The following NCOA1 variants were observed in gnomAD, a reference collection of about 807,000 sequenced individuals.
NCOA1 encodes Hin-2 protein.
NCOA1 carries 35 observed loss-of-function variants against 150.9 expected under a neutral mutation model. That is an observed-to-expected ratio of 0.23 (90% CI 0.18 to 0.31). The LOEUF is 0.31. NCOA1 is among the 10% of genes least tolerant of loss of function. NCOA1 has a pLI of 1.00. For synonymous variants in NCOA1, 590 were observed against 630.0 expected (o/e 0.94, Z 0.95); for missense variants, 1,491 against 1,749.3 (o/e 0.85, Z 2.63).
At chr2:24,642,705 G>T (rs1205574242) in intron 3 of NCOA1, among the ~76,000 whole-genome samples, 2 of 152,076 alleles carry the variant, frequency 1.3e-5, no homozygotes, top group African/African-American at 4.8e-5. Context: ...ATTTGTAATA[G>T]CCGAAAACTA....
At chr2:24,515,287 C>T (rs745997186) in intron 1 of NCOA1, among the ~76,000 whole-genome samples, 2 of 152,076 alleles carry the variant, frequency 1.3e-5, no homozygotes, top group Non-Finnish European at 2.9e-5. Context: ...GGCTGGAGTG[C>T]AGTGGCGCGA....
intron 21 of NCOA1, among the ~76,000 whole-genome samples, chr2:24,760,727 T>G (rs897720439): frequency 6.6e-6 from 1 of 152,228 alleles, no homozygotes; most frequent in African/African-American, 2.4e-5. Context: ...GTAATTTGAT[T>G]ATGATATGCT....
chr2:24,748,574 C>G (rs1476734764), intron 19 of NCOA1, among the ~76,000 whole-genome samples: 1 of 148,010 alleles, frequency 6.8e-6, no homozygotes, highest in Non-Finnish European at 1.5e-5. Context: ...AGAGATCACG[C>G]CATTGTACTC....
At chr2:24,587,101 G>GA (rs112750246) in intron 3 of NCOA1, among the ~76,000 whole-genome samples, 2,081 of 129,874 alleles carry the variant, frequency 0.016, 40 homozygotes, top group African/African-American at 0.043. Flanking sequence ...CAGCAGAGAA[G>GA]AAAAAAAAAA....
In NCOA1 at chr2:24,651,426, T is replaced by C. The variant is rs540735444; in HGVS notation, c.-17-7235T>C. ...CAACATAGGTGAGCCTGGAGGACAT[T>C]TTGCTAAGTGAAATAAGTCAGACAC... is the stretch of plus-strand genomic sequence containing the variant. On this transcript the variant is annotated intron_variant, in intron 4 of 22. Transcript: ENST00000348332. Among the ~76,000 whole-genome samples the C allele has an allele frequency of 4.6e-5, 7 of 152,104 alleles. No individual in the cohort carries two copies. In the East Asian group the frequency reaches 1.4e-3, roughly 29 times the overall value.
In NCOA1 at chr2:24,710,971, C is replaced by A. The variant is rs373504018; in HGVS notation, c.2459C>A (p.Thr820Lys). 6.2e-7 allele frequency: 1 copy of A among 1,614,116 alleles called. No homozygotes were observed. The highest frequency in any genetic ancestry group is 1.3e-5 in the African/African-American group (1 of 75,036). Residue 820 changes from threonine (T) to lysine (K), a missense_variant, in exon 14 of 23, where the codon ACG (threonine) becomes AAG (lysine). Thr to Lys is a moderately conservative substitution (Grantham distance 78). This residue lies in a region of NCOA1 where 703 missense variants were observed against 717.7 expected (regional missense o/e 0.98). Transcript: ENST00000348332. ...GACCAGTTTGATCAGTTACTGCCCA[C>A]GCTGGAGAAGGCAGCACAGTTGCCA... ...DLDQFDQLLP[T>K]LEKAAQLPGL...
At chr2:24,607,100 G>A (rs1314073715) in intron 3 of NCOA1, among the ~76,000 whole-genome samples, 1 of 151,822 alleles carries the variant, frequency 6.6e-6, no homozygotes, top group Non-Finnish European at 1.5e-5. Flanking sequence ...GAAATTATTT[G>A]GTGTCAGACA....
chr2:24,550,358 A>G (rs1184358418), intron 1 of NCOA1, among the ~76,000 whole-genome samples: 13 of 152,226 alleles, frequency 8.5e-5, no homozygotes. Flanking sequence ...TACAAAAGAA[A>G]GAGGTTTAAT....
chr2:24,623,962 C>A (rs1198850285), intron 3 of NCOA1, among the ~76,000 whole-genome samples: 1 of 152,190 alleles, frequency 6.6e-6, no homozygotes, highest in African/African-American at 2.4e-5. Flanking sequence ...CAGTCTATAA[C>A]AGAGCCCCTA....
At chr2:24,650,958 G>A (rs1285800464) in intron 4 of NCOA1, among the ~76,000 whole-genome samples, 1 of 152,018 alleles carries the variant, frequency 6.6e-6, no homozygotes, top group African/African-American at 2.4e-5. Flanking sequence ...TGTTATGTTG[G>A]CATTCAAAAA....
chr2:24,731,615 A>T (rs1319750354), intron 17 of NCOA1, among the ~76,000 whole-genome samples: 1 of 152,178 alleles, frequency 6.6e-6, no homozygotes, highest in Non-Finnish European at 1.5e-5. Context: ...AATAAAAGGA[A>T]TAATTTTTTA....
chr2:24,625,364 C>CAAA (rs35143423), intron 3 of NCOA1, among the ~76,000 whole-genome samples: 1 of 82,138 alleles, frequency 1.2e-5, no homozygotes, highest in Non-Finnish European at 2.5e-5. Context: ...GACTCTGCCT[C>CAAA]AAAAAAAAAA....
chr2:24,627,855 A>T (rs56001375), intron 3 of NCOA1, among the ~76,000 whole-genome samples: 22,814 of 152,218 alleles, frequency 0.15, 2,063 homozygotes, highest in Non-Finnish European at 0.2. Flanking sequence ...CCTTGTGGCA[A>T]ATACAGAGAG....
At chr2:24,758,224 G>A in intron 21 of NCOA1, 68 bp downstream of exon 21, 8 of 1,405,676 alleles carry the variant, frequency 5.7e-6, no homozygotes, top group Non-Finnish European at 7.6e-6. Flanking sequence ...AATCAGGTAT[G>A]TTGACAGTTA....
chr2:24,544,982 G>A (rs2148204731), intron 1 of NCOA1, among the ~76,000 whole-genome samples: 1 of 152,274 alleles, frequency 6.6e-6, no homozygotes, highest in African/African-American at 2.4e-5. Flanking sequence ...TGAAACATAA[G>A]CATTGAACAC....
intron 5 of NCOA1, 81 bp downstream of exon 5, chr2:24,658,847 A>C (rs552654783): frequency 7.8e-7 from 1 of 1,274,164 alleles, no homozygotes; most frequent in East Asian, 2.4e-5. Flanking sequence ...TGTTTAATCT[A>C]CTCCAAGTTC....
chr2:24,567,904 T>G (rs1469410325), intron 2 of NCOA1, among the ~76,000 whole-genome samples: 2 of 152,044 alleles, frequency 1.3e-5, no homozygotes, highest in Non-Finnish European at 2.9e-5. Flanking sequence ...CAACCACACC[T>G]GGCTAATTTT....
intron 17 of NCOA1, among the ~76,000 whole-genome samples, chr2:24,730,058 A>T (rs1326460414): frequency 2.0e-5 from 3 of 152,100 alleles, no homozygotes; most frequent in Non-Finnish European, 2.9e-5. Flanking sequence ...ATTGGCCAGG[A>T]TGGTCTCGAT....
chr2:24,738,009 A>G (rs1663412657), intron 17 of NCOA1, among the ~76,000 whole-genome samples: 1 of 152,148 alleles, frequency 6.6e-6, no homozygotes, highest in African/African-American at 2.4e-5. Flanking sequence ...TAAAGTTGGT[A>G]TCTTTCTTTT....
Sources: gnomAD v4.1 joint callset for allele counts (sites outside exome capture counted in the v4.1 genomes callset) on GRCh38, gnomAD v4.1.1 for gene constraint, gnomAD v4.1.1 regional missense constraint, MANE v1.5 for transcripts, NCBI Gene and HGNC (gene_info 2026-07-23, HGNC 2026-07-21) for gene names.